Variants in CFAP61 observed in about 807,000 individuals in gnomAD.
CFAP61 encodes cilia and flagella associated protein 61.
In CFAP61, 107 loss-of-function variants were observed where a neutral mutation model predicts 135.6. The observed-to-expected ratio is 0.79, with a 90% CI of 0.67 to 0.93. CFAP61 has a LOEUF of 0.93. Among genes scored for constraint, CFAP61 ranks in the 40% least tolerant of loss-of-function variants. The pLI is 0.00. For missense variants in CFAP61, 1,507 were observed against 1,556.2 expected (o/e 0.97, Z 0.53); for synonymous variants, 575 against 578.5 (o/e 0.99, Z 0.09).
At chr20:20,265,770 C>A in intron 21 of CFAP61, 1 of 323,682 alleles carries the variant, frequency 3.1e-6, no homozygotes, top group Non-Finnish European at 5.6e-6. Flanking sequence ...TGTAGAGGCC[C>A]TTTTCAAGTA....
intron 21 of CFAP61, among the ~76,000 whole-genome samples, chr20:20,271,694 C>G (rs1422088027): frequency 1.3e-5 from 2 of 152,218 alleles, no homozygotes; most frequent in African/African-American, 4.8e-5. Flanking sequence ...GATTGGTCTT[C>G]CATGAAAACT....
intron 9 of CFAP61, among the ~76,000 whole-genome samples, chr20:20,154,618 CA>C (rs1486815044): frequency 6.6e-6 from 1 of 151,668 alleles, no homozygotes; most frequent in African/African-American, 2.4e-5. Context: ...CCAAACAAAA[CA>C]AAACAGCAAC....
intron 25 of CFAP61, among the ~76,000 whole-genome samples, chr20:20,337,831 C>A (rs1163829565): frequency 6.6e-6 from 1 of 152,152 alleles, no homozygotes; most frequent in East Asian, 1.9e-4. Flanking sequence ...CACCCAGATG[C>A]CTGCTGTGAC....
At chr20:20,305,358 G>T (rs1274232821) in intron 25 of CFAP61, among the ~76,000 whole-genome samples, 1 of 152,148 alleles carries the variant, frequency 6.6e-6, no homozygotes, top group Admixed American at 6.5e-5. Context: ...TTTGACTCCC[G>T]TTGGAATAAT....
intron 6 of CFAP61, among the ~76,000 whole-genome samples, chr20:20,087,256 C>T (rs2046872044): frequency 6.6e-6 from 1 of 152,234 alleles, no homozygotes; most frequent in Admixed American, 6.5e-5. Flanking sequence ...GAGCATAGTA[C>T]TCAACAGTTT....
chr20:20,181,195 G>A (rs28736280), intron 13 of CFAP61, among the ~76,000 whole-genome samples: 5 of 133,260 alleles, frequency 3.8e-5, no homozygotes, highest in East Asian at 2.0e-4. Context: ...GCATATATAT[G>A]TATATATATG....
intron 13 of CFAP61, among the ~76,000 whole-genome samples, chr20:20,185,262 G>A (rs538437050): frequency 1.3e-5 from 2 of 152,342 alleles, no homozygotes; most frequent in Admixed American, 1.3e-4. Context: ...GAGTATAAGA[G>A]TCTTGTGATC....
chr20:20,339,095 C>A (rs920226918), intron 25 of CFAP61, among the ~76,000 whole-genome samples: 1 of 152,200 alleles, frequency 6.6e-6, no homozygotes, highest in South Asian at 2.1e-4. Context: ...TTGATGCCCA[C>A]GTGCACACAG....
At chr20:20,184,836 T>A (rs1343508569) in intron 13 of CFAP61, among the ~76,000 whole-genome samples, 2 of 152,208 alleles carry the variant, frequency 1.3e-5, no homozygotes, top group African/African-American at 2.4e-5. Context: ...GACCTTCTGA[T>A]GAGGTAGGAA....
In CFAP61 at chr20:20,191,424, A is replaced by G. The variant is rs1217055925; in HGVS notation, c.1590+5A>G. ...GCAGTGATCAGAAATGAAATGGTAA[A>G]TTGTGAAGTGGATATAAATTTCTTT... On this transcript the variant is annotated splice_donor_5th_base_variant and intron_variant, in intron 15 of 26. Transcript: ENST00000245957. 1 of 1,602,298 alleles carries G rather than the reference A, an allele frequency of 6.2e-7. No individual in the cohort carries two copies. Among genetic ancestry groups the G allele is most frequent in the Non-Finnish European group, 8.5e-7 (1 of 1,171,014 alleles).
intron 9 of CFAP61, among the ~76,000 whole-genome samples, chr20:20,149,089 A>G (rs2052164800): frequency 6.6e-6 from 1 of 152,234 alleles, no homozygotes; most frequent in Non-Finnish European, 1.5e-5. Context: ...CGTAATTGAC[A>G]TATATAAAAT....
intron 13 of CFAP61, among the ~76,000 whole-genome samples, chr20:20,170,361 A>G (rs1265411370): frequency 1.3e-5 from 2 of 152,222 alleles, no homozygotes; most frequent in African/African-American, 4.8e-5. Flanking sequence ...AATATGGCAG[A>G]CAAAAGGTGG....
chr20:20,170,011 T>A (rs2054111115), intron 13 of CFAP61, among the ~76,000 whole-genome samples: 1 of 152,212 alleles, frequency 6.6e-6, no homozygotes, highest in Non-Finnish European at 1.5e-5. Flanking sequence ...GGGAACACAA[T>A]GGTGAACAAC....
At chr20:20,113,089 T>A (rs2048908720) in intron 8 of CFAP61, among the ~76,000 whole-genome samples, 1 of 152,202 alleles carries the variant, frequency 6.6e-6, no homozygotes, top group Admixed American at 6.5e-5. Flanking sequence ...TCATATAGGA[T>A]CAGTTTCATA....
chr20:20,103,733 C>T (rs2048185034), intron 8 of CFAP61, among the ~76,000 whole-genome samples: 10 of 152,164 alleles, frequency 6.6e-5, no homozygotes, highest in Admixed American at 6.5e-4. Flanking sequence ...AGCACTGGCC[C>T]TGCCTGGTGT....
chr20:20,338,289 C>T (rs1315949834), intron 25 of CFAP61, among the ~76,000 whole-genome samples: 2 of 152,204 alleles, frequency 1.3e-5, no homozygotes, highest in Non-Finnish European at 2.9e-5. Flanking sequence ...TCTAAGGAAA[C>T]CCGCAGGCCT....
At position 20,166,394 on chromosome 20, in the gene CFAP61, C is replaced by A; in HGVS notation, c.1206-3C>A. 6.2e-7 allele frequency: 1 copy of A among 1,613,434 alleles called. No individual in the cohort carries two copies. Among genetic ancestry groups the A allele is most frequent in the Non-Finnish European group, 8.5e-7 (1 of 1,179,470 alleles). On this transcript the variant is annotated splice_polypyrimidine_tract_variant and splice_region_variant and intron_variant, in intron 11 of 26. Transcript: ENST00000245957. ...CTGACAGTGCTTACTGTCTTGTTTA[C>A]AGGTCGCTGGATTTTATGAATTTTG... is the stretch of plus-strand genomic sequence containing the variant.
intron 26 of CFAP61, among the ~76,000 whole-genome samples, chr20:20,351,518 A>C (rs6046813): frequency 6.6e-6 from 1 of 150,940 alleles, no homozygotes; most frequent in Admixed American, 6.6e-5. Flanking sequence ...GGAGGCGGAG[A>C]TTGCAGTGAG....
chr20:20,192,272 T>C (rs1016418219), intron 15 of CFAP61, among the ~76,000 whole-genome samples: 2 of 152,110 alleles, frequency 1.3e-5, no homozygotes, highest in Middle Eastern at 3.2e-3. Context: ...TTCATGTGGT[T>C]TTCTTTGCAT....
Sources: allele counts gnomAD v4.1 joint callset (sites outside exome capture counted in the v4.1 genomes callset), GRCh38; gene constraint gnomAD v4.1.1; transcripts MANE v1.5; gene names NCBI Gene and HGNC (gene_info 2026-07-23, HGNC 2026-07-21).